Variants in SSC4D observed in about 807,000 individuals in gnomAD.
The protein encoded by SSC4D is scavenger receptor cysteine rich family member with 4 domains.
SSC4D carries 57 observed loss-of-function variants against 63.4 expected under a neutral mutation model. The observed-to-expected ratio is 0.90, with a 90% CI of 0.73 to 1.12. The LOEUF is 1.12. Among genes scored for constraint, SSC4D ranks in the 50% most tolerant of loss-of-function variants. The pLI, the probability that SSC4D is intolerant of heterozygous loss-of-function variation, is 0.00. For missense variants in SSC4D, 791 were observed against 806.4 expected, an observed-to-expected ratio of 0.98 and a Z score of 0.23; for synonymous variants, 352 against 345.4, an observed-to-expected ratio of 1.02 and a Z score of -0.21.
At chr7:76,394,765 AT>A (rs72171198) in intron 7 of SSC4D, among the ~76,000 whole-genome samples, 5,993 of 144,082 alleles carry the variant, frequency 0.042, 236 homozygotes, top group East Asian at 0.14. Context: ...ATATATATAT[AT>A]ATAAAATATG....
chr7:76,389,981 C>T lies in SSC4D; in HGVS notation c.*78G>A, dbSNP rs1176622723. The T allele has an allele frequency of 6.3e-7, 1 of 1,581,282 alleles. No homozygotes were observed. The highest frequency in any genetic ancestry group is 8.6e-7 in the Non-Finnish European group (1 of 1,157,948). Reference sequence around the variant, plus strand: ...GAGGGGCAAAGTGAACTGTAGTCATCACAAGAGGAGGGCTTCCTGGAGGAG... The same window carrying T: ...GAGGGGCAAAGTGAACTGTAGTCATTACAAGAGGAGGGCTTCCTGGAGGAG... On this transcript the variant is annotated 3_prime_UTR_variant, in exon 11 of 11. Coordinates refer to ENST00000275560, the MANE Select transcript of SSC4D (RefSeq NM_080744.2).
At position 76,389,886 on chromosome 7, in the gene SSC4D, C is replaced by CG; in HGVS notation, c.*172dup. ...AGGCTGAGGTCACGCAGTAAGTGGA[C>CG]GGGGGTACAGCCAGGCTCCCCCAAG... On this transcript the variant is annotated 3_prime_UTR_variant, in exon 11 of 11. Transcript: ENST00000275560. 1 of 747,024 alleles carries CG rather than the reference C, an allele frequency of 1.3e-6. No homozygotes were observed. The highest frequency in any genetic ancestry group is 2.9e-5 in the Admixed American group (1 of 34,664). 46.3% of individuals were successfully genotyped at this position (747,024 alleles called of 1,614,324 possible). A position where few individuals can be genotyped will look rare whatever the true frequency, so the allele number is the denominator to read the frequency against.
At chr7:76,397,421 T>G in intron 6 of SSC4D, 97 bp downstream of exon 6, 1 of 1,381,706 alleles carries the variant, frequency 7.2e-7, no homozygotes, top group East Asian at 2.6e-5. Flanking sequence ...CAAAACACCC[T>G]CCCCATCCAC....
At chr7:76,398,107 G>GC (rs1804700364) in intron 5 of SSC4D, among the ~76,000 whole-genome samples, 1 of 152,052 alleles carries the variant, frequency 6.6e-6, no homozygotes, top group South Asian at 2.1e-4. Flanking sequence ...TCAAGATACA[G>GC]CCCCACACCT....
intron 6 of SSC4D, among the ~76,000 whole-genome samples, 159 bp from the exon 7 acceptor site, chr7:76,395,489 G>C (rs1204242067): frequency 2.6e-5 from 4 of 152,204 alleles, no homozygotes; most frequent in Non-Finnish European, 5.9e-5. Context: ...AAGGAGGCCT[G>C]TCCCCACTTT....
At chr7:76,409,326 CACACACACA>C (rs1563689248) in intron 1 of SSC4D, 79 bp downstream of exon 1, 18 of 2,090 alleles carry the variant, frequency 8.6e-3, no homozygotes, top group African/African-American at 0.014. Context: ...CTCTGTCTCA[CACACACACA>C]CACACACACA....
At position 76,404,299 on chromosome 7, in the gene SSC4D, G is replaced by A; in HGVS notation, c.133+8C>T. On this transcript the variant is annotated splice_region_variant and intron_variant, in intron 2 of 10. Transcript: ENST00000275560. ...GGAAGTGGCAAGGGCTAACAGGGGA[G>A]GACTCACCCAGTGGCAGGAGGAGAA... 1 of 1,588,810 alleles carries A rather than the reference G, an allele frequency of 6.3e-7. No individual in the cohort carries two copies. Among genetic ancestry groups the A allele is most frequent in the South Asian group, 1.1e-5 (1 of 87,894 alleles).
chr7:76,396,509 C>T (rs1226387134), intron 6 of SSC4D, among the ~76,000 whole-genome samples: 1 of 152,246 alleles, frequency 6.6e-6, no homozygotes, highest in African/African-American at 2.4e-5. Context: ...AGCAGGACCT[C>T]TGCTGCTGCT....
intron 1 of SSC4D, 140 bp from the exon 2 acceptor site, chr7:76,404,645 A>C: frequency 1.5e-6 from 1 of 664,466 alleles, no homozygotes. Flanking sequence ...GTTTTTAAAA[A>C]TGAGGCCGGG....
At chr7:76,394,291 C>T (rs2115748633) in intron 7 of SSC4D, among the ~76,000 whole-genome samples, 1 of 152,210 alleles carries the variant, frequency 6.6e-6, no homozygotes, top group East Asian at 1.9e-4. Flanking sequence ...GTCGCCCAGG[C>T]TGGAGTGCAG....
chr7:76,400,517 C>T lies in SSC4D; in HGVS notation c.244G>A (p.Val82Ile), dbSNP rs755084642. Residue 82 changes from valine to isoleucine, a missense_variant, in exon 4 of 11, where the codon GTC becomes ATC. Coordinates refer to ENST00000275560, the MANE Select transcript of SSC4D (RefSeq NM_080744.2). ...EVMHGGSWGS[V>I]CDDDWDVVDA... Reference sequence around the variant, plus strand: ...ACCACGTCCCAGTCGTCATCACAGACGCTGCCCCAGGAGCCACCGTGCATG... The same window carrying T: ...ACCACGTCCCAGTCGTCATCACAGATGCTGCCCCAGGAGCCACCGTGCATG... 32 of 1,584,976 alleles carry T rather than the reference C, an allele frequency of 2.0e-5. No homozygotes were observed. Among genetic ancestry groups the T allele is most frequent in the Middle Eastern group, 3.3e-4 (2 of 5,982 alleles).
chr7:76,396,579 G>A (rs761724562), intron 6 of SSC4D, among the ~76,000 whole-genome samples: 3 of 152,156 alleles, frequency 2.0e-5, no homozygotes, highest in African/African-American at 4.8e-5. Flanking sequence ...TCTTTGCTGA[G>A]GGAAGCCAAA....
In SSC4D at chr7:76,398,724, T is replaced by G. The variant is rs946197191; in HGVS notation, c.549A>C (p.Gly183=). The G allele has an allele frequency of 4.3e-6, 7 of 1,613,060 alleles. No homozygotes were observed. Among genetic ancestry groups the G allele is most frequent in the Non-Finnish European group, 5.9e-6 (7 of 1,179,332 alleles). The change falls in exon 5 of 11, where the codon GGA becomes GGC. Residue 183 remains glycine (G), a synonymous_variant. Coordinates refer to ENST00000275560, the MANE Select transcript of SSC4D (RefSeq NM_080744.2). ...SRAPPTTLPN[G]KSEGSVRLVG... is the part of the protein sequence containing the mutation. ...GCCCACATTATGCTTACGTACTTTT[T>G]CCATTCGGCAGTGTCGTAGGAGGTG...
At chr7:76,401,694 G>C (rs1804835187) in intron 2 of SSC4D, among the ~76,000 whole-genome samples, 1 of 152,170 alleles carries the variant, frequency 6.6e-6, no homozygotes, top group Non-Finnish European at 1.5e-5. Flanking sequence ...TGGGATTATA[G>C]GTGTGAGCCA....
intron 6 of SSC4D, among the ~76,000 whole-genome samples, chr7:76,396,268 A>G (rs1804637203): frequency 6.6e-6 from 1 of 152,194 alleles, no homozygotes; most frequent in Admixed American, 6.6e-5. Flanking sequence ...TCTCCATGAG[A>G]TACGCCCACT....
chr7:76,391,355 C>T (rs1052330273), intron 10 of SSC4D, among the ~76,000 whole-genome samples: 5 of 151,494 alleles, frequency 3.3e-5, no homozygotes, highest in Non-Finnish European at 4.4e-5. Context: ...GCACGAGAAT[C>T]GCTTGAACCT....
intron 9 of SSC4D, 26 bp downstream of exon 9, chr7:76,393,379 A>T: frequency 7.6e-7 from 1 of 1,324,242 alleles, no homozygotes; most frequent in Admixed American, 3.6e-5. Flanking sequence ...CCCCGCTGTC[A>T]GCCTCACCTT....
At chr7:76,408,987 C>T (rs1805139858) in intron 1 of SSC4D, among the ~76,000 whole-genome samples, 1 of 152,146 alleles carries the variant, frequency 6.6e-6, no homozygotes, top group Non-Finnish European at 1.5e-5. Flanking sequence ...TTTCGTGATC[C>T]ACTTACCCCT....
At chr7:76,407,826 G>A (rs1047905781) in intron 1 of SSC4D, among the ~76,000 whole-genome samples, 4 of 152,182 alleles carry the variant, frequency 2.6e-5, no homozygotes, top group East Asian at 1.9e-4. Flanking sequence ...CCTCTCTCAC[G>A]TCCCCTTTTC....
Sources: allele counts gnomAD v4.1 joint callset (sites outside exome capture counted in the v4.1 genomes callset), GRCh38; gene constraint gnomAD v4.1.1; transcripts MANE v1.5; gene names NCBI Gene and HGNC (gene_info 2026-07-23, HGNC 2026-07-21).